Variants in ATP5MC2 observed in about 807,000 individuals in gnomAD.
ATP5MC2 encodes the protein ATP synthase F(0) complex subunit C2, mitochondrial.
Under a neutral mutation model 13.5 loss-of-function variants are expected in ATP5MC2, and 11 were observed. The ratio of observed to expected loss-of-function variants is 0.81; its 90% confidence interval spans 0.51 to 1.35. The LOEUF (loss-of-function observed/expected upper bound fraction) is 1.35. Among genes scored for constraint, ATP5MC2 ranks in the 40% most tolerant of loss-of-function variants. The probability of loss-of-function intolerance (pLI) is 0.00; values close to 1 mark genes in which losing one functional copy is unlikely to be tolerated. For missense variants in ATP5MC2, 132 were observed against 175.0 expected (o/e 0.75, Z 1.39); for synonymous variants, 64 against 69.7 (o/e 0.92, Z 0.41).
chr12:53,667,353 G>A (rs1166918531), intron 4 of ATP5MC2, among the ~76,000 whole-genome samples: 1 of 152,102 alleles, frequency 6.6e-6, no homozygotes, highest in African/African-American at 2.4e-5. Context: ...AAAAATAGCA[G>A]TAAAGCCACT....
chr12:53,672,658 A>G lies in ATP5MC2; in HGVS notation c.-31-13T>C. The G allele has an allele frequency of 6.4e-7, 1 of 1,566,158 alleles. No homozygotes were observed. The highest frequency in any genetic ancestry group is 8.7e-7 in the Non-Finnish European group (1 of 1,154,410). On this transcript the variant is annotated splice_polypyrimidine_tract_variant and intron_variant, in intron 1 of 4. Transcript: ENST00000394349. The stretch of plus-strand genomic sequence containing the variant: ...TGTGGCAGGAGAGCTGGAATTACAG[A>G]AGCAGTATTGTAAACGCTCCTTATT...
chr12:53,672,468 C>T (rs1271586500), intron 2 of ATP5MC2, 108 bp downstream of exon 2: 23 of 1,200,872 alleles, frequency 1.9e-5, no homozygotes, highest in East Asian at 1.0e-4. Context: ...GTGATCTGCC[C>T]GCCTGGACCT....
chr12:53,670,343 T>C (rs574128107), intron 2 of ATP5MC2: 6 of 348,738 alleles, frequency 1.7e-5, no homozygotes, highest in African/African-American at 1.1e-4. Flanking sequence ...AAATCCATCA[T>C]ACTTTGAAAA....
chr12:53,676,220 G>C (rs748246867), upstream of ATP5MC2: 2 of 1,601,534 alleles, frequency 1.2e-6, no homozygotes, highest in Admixed American at 3.4e-5. Context: ...GGGCTGTGGC[G>C]GTATCCGGCC....
At chr12:53,672,874 A>T in intron 1 of ATP5MC2, 1 of 504,638 alleles carries the variant, frequency 2.0e-6, no homozygotes. Flanking sequence ...GAACAAGTGA[A>T]CACTTGGGTT....
intron 1 of ATP5MC2, 29 bp downstream of exon 1, chr12:53,676,024 A>G: frequency 6.2e-7 from 1 of 1,608,342 alleles, no homozygotes; most frequent in Non-Finnish European, 8.5e-7. Context: ...TGCGCAGCGC[A>G]CAGAGGGCTC....
rs765303030 is a variant in ATP5MC2 at position 53,665,282 on chromosome 12, C to T, written c.*32G>A. ...AGGAACACACGGGGCCAACCAGACGCGGGAGAACTATGGGAGGTGGAGACG... is the reference window on the plus strand; with the variant it reads ...AGGAACACACGGGGCCAACCAGACGTGGGAGAACTATGGGAGGTGGAGACG... On this transcript the variant is annotated 3_prime_UTR_variant, in exon 5 of 5. Transcript: ENST00000394349. 2.2e-5 allele frequency: 35 copies of T among 1,569,714 alleles called. No individual in the cohort carries two copies. Among genetic ancestry groups the T allele is most frequent in the Middle Eastern group, 2.2e-4 (1 of 4,580 alleles).
intron 2 of ATP5MC2, 130 bp from the exon 3 acceptor site, chr12:53,670,078 C>T (rs1204920596): frequency 3.8e-6 from 3 of 787,728 alleles, no homozygotes; most frequent in East Asian, 2.7e-5. Flanking sequence ...TTCACATGTA[C>T]GTTAGAGTTT....
upstream of ATP5MC2, chr12:53,676,222 T>C (rs1025331765): frequency 5.0e-6 from 8 of 1,600,508 alleles, no homozygotes; most frequent in African/African-American, 9.4e-5. Flanking sequence ...GCTGTGGCGG[T>C]ATCCGGCCGG....
upstream of ATP5MC2, among the ~76,000 whole-genome samples, chr12:53,679,238 CGAGA>C (rs59340879): frequency 0.054 from 6,890 of 127,610 alleles, 272 homozygotes; most frequent in Admixed American, 0.14. Flanking sequence ...ATTTTAAAAA[CGAGA>C]GAGAGAGAGA....
At chr12:53,671,857 C>A (rs1348958187) in intron 2 of ATP5MC2, among the ~76,000 whole-genome samples, 3 of 151,906 alleles carry the variant, frequency 2.0e-5, no homozygotes, top group Admixed American at 2.0e-4. Context: ...CATGGAGAAA[C>A]CCTGTCTCTA....
chr12:53,670,930 T>C (rs998697461), intron 2 of ATP5MC2, among the ~76,000 whole-genome samples: 2 of 151,918 alleles, frequency 1.3e-5, no homozygotes, highest in African/African-American at 4.8e-5. Flanking sequence ...GCCCGAAGTA[T>C]GGTTTCTAAT....
intron 3 of ATP5MC2, among the ~76,000 whole-genome samples, 181 bp downstream of exon 3, chr12:53,669,690 G>A (rs911490940): frequency 2.6e-5 from 4 of 152,186 alleles, no homozygotes; most frequent in African/African-American, 9.7e-5. Context: ...GGCAAAAGCT[G>A]GAGCACTATA....
chr12:53,671,134 A>G (rs1945084393), intron 2 of ATP5MC2, among the ~76,000 whole-genome samples: 2 of 152,222 alleles, frequency 1.3e-5, no homozygotes, highest in Admixed American at 1.3e-4. Context: ...TTTTCTGACT[A>G]ACCCCAAGCC....
intron 2 of ATP5MC2, among the ~76,000 whole-genome samples, chr12:53,671,263 C>T (rs1417943598): frequency 6.6e-6 from 1 of 152,188 alleles, no homozygotes; most frequent in Non-Finnish European, 1.5e-5. Context: ...TCACTTAAAC[C>T]TTTCTAAGCC....
At chr12:53,666,330 C>A (rs1159219414) in intron 4 of ATP5MC2, among the ~76,000 whole-genome samples, 4 of 152,136 alleles carry the variant, frequency 2.6e-5, no homozygotes, top group African/African-American at 9.7e-5. Context: ...GTAATCCCAG[C>A]ACTTTGGGAG....
chr12:53,666,234 A>C (rs968842199), intron 4 of ATP5MC2, among the ~76,000 whole-genome samples: 1 of 152,032 alleles, frequency 6.6e-6, no homozygotes, highest in Non-Finnish European at 1.5e-5. Flanking sequence ...GCTTGAGGTC[A>C]GGAGTTCGAG....
At chr12:53,671,189 A>AGGCATC (rs1318875822) in intron 2 of ATP5MC2, among the ~76,000 whole-genome samples, 3 of 152,250 alleles carry the variant, frequency 2.0e-5, no homozygotes, top group African/African-American at 7.2e-5. Flanking sequence ...CCAGGGCTTT[A>AGGCATC]GGCATCAGAT....
chr12:53,678,370 C>T (rs538976884), upstream of ATP5MC2, among the ~76,000 whole-genome samples: 76 of 152,092 alleles, frequency 5.0e-4, no homozygotes, highest in African/African-American at 1.8e-3. Context: ...ACCACCATCA[C>T]CACCATCATC....
Sources: allele counts gnomAD v4.1 joint callset (sites outside exome capture counted in the v4.1 genomes callset), GRCh38; gene constraint gnomAD v4.1.1; transcripts MANE v1.5; gene names NCBI Gene and HGNC (gene_info 2026-07-23, HGNC 2026-07-21).